The following CACNB4 variants were observed in gnomAD, a reference collection of about 807,000 sequenced individuals.
CACNB4 encodes the protein voltage-dependent L-type calcium channel subunit beta-4.
In CACNB4, 32 loss-of-function variants were observed where a neutral mutation model predicts 71.2. The ratio of observed to expected loss-of-function variants is 0.45; its 90% CI spans 0.34 to 0.60. The LOEUF (loss-of-function observed/expected upper bound fraction) is 0.60. Among genes scored for constraint, CACNB4 ranks in the 20% least tolerant of loss-of-function variants. The pLI, the probability that CACNB4 is intolerant of heterozygous loss-of-function variation, is 0.01. For missense variants in CACNB4, 464 were observed against 647.9 expected (o/e 0.72, Z 3.08); for synonymous variants, 231 against 236.9 (o/e 0.97, Z 0.23).
chr2:151,860,442 G>A (rs975984835), intron 10 of CACNB4: 2 of 470,046 alleles, frequency 4.3e-6, no homozygotes, highest in East Asian at 8.4e-5. Flanking sequence ...CTGGTTTCAT[G>A]TAGTTAGGCA....
At chr2:151,862,261 T>C (rs1010700625) in intron 9 of CACNB4, among the ~76,000 whole-genome samples, 3 of 152,244 alleles carry the variant, frequency 2.0e-5, no homozygotes, top group Admixed American at 1.3e-4. Flanking sequence ...CAGGAGACTG[T>C]ACCTGATTTC....
At chr2:152,038,775 C>A (rs529558193) in intron 2 of CACNB4, among the ~76,000 whole-genome samples, 9 of 152,200 alleles carry the variant, frequency 5.9e-5, no homozygotes, top group Non-Finnish European at 7.3e-5. Context: ...GAGGCCCTGA[C>A]TGGTGCTAGG....
intron 9 of CACNB4, among the ~76,000 whole-genome samples, chr2:151,863,833 A>T (rs1189094020): frequency 6.6e-6 from 1 of 151,680 alleles, no homozygotes; most frequent in Non-Finnish European, 1.5e-5. Flanking sequence ...TAGTTTGCTA[A>T]TACAAGTTAT....
At chr2:152,052,804 C>T (rs1685515721) in intron 2 of CACNB4, among the ~76,000 whole-genome samples, 1 of 151,814 alleles carries the variant, frequency 6.6e-6, no homozygotes, top group African/African-American at 2.4e-5. Context: ...ATAGTAAAAC[C>T]CCATCTCTAC....
intron 12 of CACNB4, 53 bp downstream of exon 12, chr2:151,853,395 C>A: frequency 9.7e-7 from 1 of 1,030,406 alleles, no homozygotes; most frequent in Non-Finnish European, 1.4e-6. Context: ...AAAAAAAACC[C>A]ACCCTCTTCT....
intron 2 of CACNB4, among the ~76,000 whole-genome samples, chr2:151,958,911 C>T (rs745610118): frequency 1.3e-5 from 2 of 152,120 alleles, no homozygotes; most frequent in Non-Finnish European, 2.9e-5. Context: ...TATGTGATCA[C>T]AGAAAAAGGG....
Position 151,987,836 on chromosome 2 carries a change from A to G in CACNB4, c.148-104466T>C, listed in dbSNP as rs1228192542. 2.6e-5 allele frequency among the ~76,000 whole-genome samples: 4 copies of G among 152,322 alleles called. No individual in the cohort carries two copies. In the East Asian group the frequency reaches 5.8e-4, roughly 22 times the overall value. On this transcript the variant is annotated intron_variant, in intron 2 of 13. Transcript: ENST00000539935. ...ACCAATTTAAATGTCTTCCCTTTGTATATTTCCATTTCCAATGACAATATC... is the reference window on the plus strand; with the variant it reads ...ACCAATTTAAATGTCTTCCCTTTGTGTATTTCCATTTCCAATGACAATATC...
intron 2 of CACNB4, among the ~76,000 whole-genome samples, chr2:152,044,399 T>G (rs181793584): frequency 2.0e-5 from 3 of 152,224 alleles, no homozygotes; most frequent in East Asian, 3.9e-4. Flanking sequence ...TTTTGTATTT[T>G]AGTAGAGATG....
At chr2:152,058,507 G>C (rs538919157) in intron 2 of CACNB4, among the ~76,000 whole-genome samples, 2 of 152,358 alleles carry the variant, frequency 1.3e-5, no homozygotes, top group East Asian at 1.9e-4. Context: ...TTGGGAGCTA[G>C]AGCAAAGGTA....
intron 9 of CACNB4, among the ~76,000 whole-genome samples, chr2:151,863,608 T>C (rs535414513): frequency 6.6e-6 from 1 of 152,302 alleles, no homozygotes; most frequent in African/African-American, 2.4e-5. Flanking sequence ...TCTAGTTCTA[T>C]ACAAACAAGA....
chr2:151,971,582 G>T (rs1190706407), intron 2 of CACNB4: 2 of 702,900 alleles, frequency 2.8e-6, no homozygotes, highest in Non-Finnish European at 5.2e-6. Context: ...GACTGCTGAG[G>T]AGGTGGCACT....
chr2:151,874,477 AAAAG>A (rs576808378), intron 5 of CACNB4, among the ~76,000 whole-genome samples: 260 of 152,054 alleles, frequency 1.7e-3, no homozygotes, highest in African/African-American at 5.9e-3. Context: ...AAAAAAAAAA[AAAAG>A]AAGAAGTATG....
chr2:152,009,519 T>C (rs1189523794), intron 2 of CACNB4, among the ~76,000 whole-genome samples: 1 of 152,166 alleles, frequency 6.6e-6, no homozygotes, highest in Non-Finnish European at 1.5e-5. Context: ...GGAAACTCGG[T>C]GCAGGGTATA....
At chr2:152,002,692 T>C (rs1236729259) in intron 2 of CACNB4, among the ~76,000 whole-genome samples, 8 of 152,234 alleles carry the variant, frequency 5.3e-5, no homozygotes, top group African/African-American at 1.9e-4. Context: ...AAGAATTCAA[T>C]GTAACCACAT....
intron 2 of CACNB4, among the ~76,000 whole-genome samples, chr2:151,894,706 T>C (rs887313515): frequency 6.6e-6 from 1 of 152,144 alleles, no homozygotes; most frequent in Non-Finnish European, 1.5e-5. Flanking sequence ...ACAAATTCAG[T>C]AATGTTGCAG....
chr2:151,880,366 T>C (rs1425574276), intron 4 of CACNB4: 4 of 192,314 alleles, frequency 2.1e-5, no homozygotes, highest in Non-Finnish European at 4.2e-5. Context: ...CACTCTAGTG[T>C]TGGTTCCATA....
intron 2 of CACNB4, among the ~76,000 whole-genome samples, chr2:151,934,197 A>G (rs1261249437): frequency 6.6e-6 from 1 of 152,250 alleles, no homozygotes; most frequent in Non-Finnish European, 1.5e-5. Context: ...ACCTATGTGA[A>G]ACCAAGACTA....
At chr2:151,850,141 C>CTTTCTTTTTTTT (rs1553744905) in intron 12 of CACNB4, 17 of 98,162 alleles carry the variant, frequency 1.7e-4, no homozygotes, top group African/African-American at 3.9e-4. Flanking sequence ...TTCTTTCTTT[C>CTTTCTTTTTTTT]TTTTTTTTTT....
At chr2:152,056,377 A>G (rs565843959) in intron 2 of CACNB4, among the ~76,000 whole-genome samples, 1 of 151,388 alleles carries the variant, frequency 6.6e-6, no homozygotes, top group Non-Finnish European at 1.5e-5. Flanking sequence ...AAAAAAAAAG[A>G]AATTAGAAAT....
Sources: allele counts gnomAD v4.1 joint callset (sites outside exome capture counted in the v4.1 genomes callset), GRCh38; gene constraint gnomAD v4.1.1; transcripts MANE v1.5; gene names NCBI Gene and HGNC (gene_info 2026-07-23, HGNC 2026-07-21).